ARRB1: variants seen among roughly 807,000 people sequenced by gnomAD.
ARRB1 encodes the protein beta-arrestin-1.
Under a neutral mutation model 56.8 loss-of-function variants are expected in ARRB1, and 21 were observed. That is an observed-to-expected ratio of 0.37 (90% CI 0.26 to 0.53). ARRB1 has a LOEUF of 0.53. Among genes scored for constraint, ARRB1 ranks in the 20% least tolerant of loss-of-function variants. ARRB1 has a pLI of 0.88. For missense variants in ARRB1, 424 were observed against 553.7 expected, an observed-to-expected ratio of 0.77 and a Z score of 2.35; for synonymous variants, 210 against 218.6, an observed-to-expected ratio of 0.96 and a Z score of 0.35.
chr11:75,267,831 G>A, intron 14 of ARRB1, 128 bp from the exon 15 acceptor site: 1 of 753,296 alleles, frequency 1.3e-6, no homozygotes, highest in African/African-American at 1.7e-5. Flanking sequence ...AAAGGGGAAT[G>A]GAGATGGGGG....
chr11:75,343,340 A>G (rs1947718338), intron 1 of ARRB1, among the ~76,000 whole-genome samples: 1 of 152,166 alleles, frequency 6.6e-6, no homozygotes, highest in African/African-American at 2.4e-5. Context: ...CAAGTCAGCA[A>G]TCAGGTACTG....
intron 1 of ARRB1, among the ~76,000 whole-genome samples, chr11:75,341,960 C>A (rs1947698698): frequency 1.3e-5 from 2 of 152,208 alleles, no homozygotes; most frequent in African/African-American, 2.4e-5. Flanking sequence ...AATCACACTG[C>A]TGCTCACGCC....
At chr11:75,289,878 C>A in intron 2 of ARRB1, 131 bp downstream of exon 2, 1 of 1,312,462 alleles carries the variant, frequency 7.6e-7, no homozygotes, top group Non-Finnish European at 1.1e-6. Flanking sequence ...ACCCCTAAGA[C>A]GGGGAGCAGC....
At chr11:75,274,252 G>A (rs1304556087) in intron 10 of ARRB1, 41 bp from the exon 11 acceptor site, 2 of 1,609,400 alleles carry the variant, frequency 1.2e-6, no homozygotes, top group South Asian at 2.2e-5. Context: ...GCCCTCCCCA[G>A]AGCCAACCCC....
chr11:75,329,616 A>G lies in ARRB1; in HGVS notation c.20+21972T>C, dbSNP rs1257435938. Among the ~76,000 whole-genome samples the G allele has an allele frequency of 2.6e-5, 4 of 152,020 alleles. No individual in the cohort carries two copies. In the East Asian group the frequency reaches 5.8e-4, roughly 22 times the overall value. ...CACTGCCTTCCTGGCCTTTCACGAA[A>G]CCACCTTCTGCCACACATTAGCCTG... On this transcript the variant is annotated intron_variant, in intron 1 of 15. Coordinates refer to ENST00000420843, the MANE Select transcript of ARRB1 (RefSeq NM_004041.5).
At chr11:75,282,346 A>C (rs1251831442) in intron 5 of ARRB1, among the ~76,000 whole-genome samples, 1 of 152,196 alleles carries the variant, frequency 6.6e-6, no homozygotes, top group Non-Finnish European at 1.5e-5. Context: ...TTAATGACAA[A>C]AGTGACTTTG....
intron 1 of ARRB1, among the ~76,000 whole-genome samples, chr11:75,323,552 G>C (rs1565139574): frequency 6.6e-6 from 1 of 152,094 alleles, no homozygotes; most frequent in Non-Finnish European, 1.5e-5. Context: ...CCCAGGAGAC[G>C]AAGATTGCAG....
At chr11:75,316,711 G>A (rs1395126376) in intron 1 of ARRB1, among the ~76,000 whole-genome samples, 2 of 151,958 alleles carry the variant, frequency 1.3e-5, no homozygotes, top group African/African-American at 4.8e-5. Context: ...AAGGACAGGA[G>A]GTCAAGACCA....
chr11:75,276,364 C>A (rs1470992824), intron 10 of ARRB1, among the ~76,000 whole-genome samples: 1 of 152,158 alleles, frequency 6.6e-6, no homozygotes, highest in Non-Finnish European at 1.5e-5. Flanking sequence ...TCTCCTCAAA[C>A]CTAGATGATT....
chr11:75,320,022 G>T (rs1473856847), intron 1 of ARRB1, among the ~76,000 whole-genome samples: 2 of 152,174 alleles, frequency 1.3e-5, no homozygotes, highest in Admixed American at 1.3e-4. Context: ...AAGCCCCATC[G>T]GGGACAGGGA....
rs150413893 is a variant in ARRB1, at chr11:75,303,850, G to A, written c.21-13811C>T. Among the ~76,000 whole-genome samples, 267 of 152,342 alleles carry A rather than the reference G, an allele frequency of 1.8e-3. 1 individual carries two copies. Among genetic ancestry groups the A allele is most frequent in the African/African-American group, 5.9e-3 (246 of 41,576 alleles). ...AGGGCCTGCACATGGCTGCTCCTGA[G>A]TGGATGCCACGGAACTGAAATGATG... On this transcript the variant is annotated intron_variant, in intron 1 of 15. Coordinates refer to ENST00000420843, the MANE Select transcript of ARRB1 (RefSeq NM_004041.5).
intron 10 of ARRB1, among the ~76,000 whole-genome samples, chr11:75,275,864 C>T (rs996205734): frequency 9.2e-5 from 14 of 152,330 alleles, no homozygotes; most frequent in African/African-American, 1.9e-4. Context: ...GTTATGCAGA[C>T]GCTGGCACCA....
At chr11:75,327,085 C>T (rs59856284) in intron 1 of ARRB1, among the ~76,000 whole-genome samples, 1 of 151,768 alleles carries the variant, frequency 6.6e-6, no homozygotes, top group East Asian at 2.0e-4. Flanking sequence ...GAGGCCGAGG[C>T]GGGCGGGTCA....
chr11:75,285,576 C>T (rs549343286), intron 3 of ARRB1, among the ~76,000 whole-genome samples: 1 of 152,258 alleles, frequency 6.6e-6, no homozygotes, highest in South Asian at 2.1e-4. Flanking sequence ...TGGTGGGGAA[C>T]CGGTAAGCAT....
At chr11:75,312,182 C>A (rs753417731) in intron 1 of ARRB1, 6 of 1,273,630 alleles carry the variant, frequency 4.7e-6, no homozygotes, top group Non-Finnish European at 6.2e-6. Flanking sequence ...GAGTGGTGAG[C>A]TCAGCCTTTC....
intron 1 of ARRB1, among the ~76,000 whole-genome samples, chr11:75,332,175 C>T (rs541052091): frequency 5.3e-5 from 8 of 152,138 alleles, no homozygotes; most frequent in African/African-American, 1.9e-4. Flanking sequence ...TCTACCTGCA[C>T]CCAGGTGATT....
intron 11 of ARRB1, among the ~76,000 whole-genome samples, chr11:75,273,683 A>C (rs1389646571): frequency 1.9e-5 from 1 of 54,006 alleles, no homozygotes; most frequent in Non-Finnish European, 5.2e-5. Flanking sequence ...GGGACCCCTG[A>C]CTTGGAGGGG....
At chr11:75,326,804 G>A (rs1309963578) in intron 1 of ARRB1, among the ~76,000 whole-genome samples, 16 of 145,324 alleles carry the variant, frequency 1.1e-4, no homozygotes, top group Non-Finnish European at 1.5e-5. Context: ...GCTCACTACA[G>A]CTTCAACCTC....
intron 4 of ARRB1, among the ~76,000 whole-genome samples, 153 bp from the exon 5 acceptor site, chr11:75,283,636 C>A (rs2140426967): frequency 6.6e-6 from 1 of 152,334 alleles, no homozygotes; most frequent in South Asian, 2.1e-4. Flanking sequence ...ACCAGGAGGG[C>A]TGGTAGTGAG....
Sources: gnomAD v4.1 joint callset for allele counts (sites outside exome capture counted in the v4.1 genomes callset) on GRCh38, gnomAD v4.1.1 for gene constraint, MANE v1.5 for transcripts, NCBI Gene and HGNC (gene_info 2026-07-23, HGNC 2026-07-21) for gene names.